Variants in KCTD1 observed in about 807,000 individuals in gnomAD.
KCTD1 encodes the protein potassium channel tetramerization domain containing 1.
A neutral mutation model predicts 66.0 loss-of-function variants in KCTD1; 24 were observed. That is an observed-to-expected ratio of 0.36 (90% CI 0.26 to 0.51). The LOEUF is 0.51. KCTD1 is among the 20% of genes least tolerant of loss of function. KCTD1 has a pLI of 0.95. For missense variants in KCTD1, 943 were observed against 1,205.2 expected (o/e 0.78, Z 3.22); for synonymous variants, 511 against 517.2 (o/e 0.99, Z 0.16).
At chr18:26,541,089 T>C (rs553396890) in intron 1 of KCTD1, among the ~76,000 whole-genome samples, 52 of 152,276 alleles carry the variant, frequency 3.4e-4, no homozygotes, top group African/African-American at 1.1e-3. Context: ...CTCAGCCCTC[T>C]CCTTCCAGGT....
Position 26,547,254 on chromosome 18 carries a change from T to G in KCTD1, c.1283A>C (p.Lys428Thr). Residue 428 changes from lysine to threonine, a missense_variant, in exon 1 of 5, where the codon AAG (lysine) becomes ACG (threonine). Around this residue, in one of 10 missense-constraint regions of KCTD1, gnomAD observed 79 missense variants for 133.9 expected, o/e 0.59. Coordinates refer to ENST00000580059, the MANE Select transcript of KCTD1 (RefSeq NM_001142730.3). ...VTWYENKAIG[K>T]NLLGTRMQML... Reference sequence around the variant, plus strand: ...CTGCATCCGAGTGCCTAGCAAGTTCTTGCCGATGGCTTTGTTCTCGTACCA... The same window carrying G: ...CTGCATCCGAGTGCCTAGCAAGTTCGTGCCGATGGCTTTGTTCTCGTACCA... 1 of 1,551,694 alleles carries G rather than the reference T, an allele frequency of 6.4e-7. No homozygotes were observed. Among genetic ancestry groups the G allele is most frequent in the Non-Finnish European group, 8.7e-7 (1 of 1,146,994 alleles).
chr18:26,652,022 A>G (rs912535807), intron 1 of KCTD1, among the ~76,000 whole-genome samples: 4 of 152,052 alleles, frequency 2.6e-5, no homozygotes, highest in African/African-American at 9.7e-5. Context: ...TGTTCCCTAA[A>G]TCTTAGCCAT....
At chr18:26,651,703 G>C (rs1025654603) in intron 1 of KCTD1, among the ~76,000 whole-genome samples, 2 of 150,230 alleles carry the variant, frequency 1.3e-5, no homozygotes, top group African/African-American at 4.9e-5. Context: ...AGAATCGCTT[G>C]AGCCTAGGAG....
chr18:26,549,223 G>A, upstream of KCTD1: 1 of 986,372 alleles, frequency 1.0e-6, no homozygotes, highest in Non-Finnish European at 1.2e-6. Context: ...GGCTGGCGGC[G>A]GCGGCGGCTC....
chr18:26,599,660 A>G, intron 1 of KCTD1: 1 of 1,475,662 alleles, frequency 6.8e-7, no homozygotes, highest in Non-Finnish European at 9.5e-7. Flanking sequence ...AATCACCCAG[A>G]TCCTTCGGCC....
At chr18:26,551,777 C>A (rs1004001177), upstream of KCTD1, among the ~76,000 whole-genome samples, 1 of 152,158 alleles carries the variant, frequency 6.6e-6, no homozygotes, top group Non-Finnish European at 1.5e-5. Flanking sequence ...ACACTCAATT[C>A]CAAAATGAAA....
intron 1 of KCTD1, among the ~76,000 whole-genome samples, chr18:26,582,544 A>T (rs1249368244): frequency 6.6e-6 from 1 of 152,236 alleles, no homozygotes; most frequent in East Asian, 1.9e-4. Context: ...TTCTAATTTC[A>T]GAAAGTTATC....
At chr18:26,648,981 A>T (rs72889246) in intron 1 of KCTD1, among the ~76,000 whole-genome samples, 12,680 of 152,246 alleles carry the variant, frequency 0.083, 951 homozygotes, top group African/African-American at 0.2. Flanking sequence ...CATATTCAGT[A>T]CTTACAACAA....
chr18:26,548,459 C>T lies in KCTD1; in HGVS notation c.78G>A (p.Glu26=), dbSNP rs1279127371. 7.8e-6 allele frequency: 10 copies of T among 1,274,900 alleles called. No homozygotes were observed. The highest frequency in any genetic ancestry group is 8.8e-6 in the Non-Finnish European group (9 of 1,018,728). 79.0% of individuals were successfully genotyped at this position (1,274,900 alleles called of 1,614,324 possible). Residue 26 remains glutamate, a synonymous_variant, in exon 1 of 5, where the codon GAG becomes GAA. Coordinates refer to ENST00000580059, the MANE Select transcript of KCTD1 (RefSeq NM_001142730.3). ...GSASAAAAAA[E]NNGERGEGER... ...CGCCCTCGCCCCGCTCCCCATTGTT[C>T]TCGGCGGCGGCGGCGGCAGCGCTGG...
At chr18:26,466,222 G>C (rs1980726100) in intron 3 of KCTD1, among the ~76,000 whole-genome samples, 1 of 152,232 alleles carries the variant, frequency 6.6e-6, no homozygotes, top group African/African-American at 2.4e-5. Flanking sequence ...ATGGAGCCAA[G>C]CTGAGCCAAT....
At chr18:26,640,947 C>T (rs76265024), upstream of KCTD1, among the ~76,000 whole-genome samples, 167 of 152,146 alleles carry the variant, frequency 1.1e-3, 1 homozygote, top group African/African-American at 3.4e-3. Flanking sequence ...GATCTAGATC[C>T]GAGAGAGTAG....
At chr18:26,533,442 GTAATACATTGCCAGAAAGTT>G (rs1214591790) in intron 1 of KCTD1, among the ~76,000 whole-genome samples, 9 of 152,154 alleles carry the variant, frequency 5.9e-5, no homozygotes, top group African/African-American at 2.2e-4. Flanking sequence ...ACTGTTCTAT[GTAATACATTGCCAGAAAGTT>G]TCATATTCTT....
intron 1 of KCTD1, chr18:26,657,256 G>C: frequency 1.2e-6 from 1 of 864,446 alleles, no homozygotes; most frequent in Non-Finnish European, 1.4e-6. Context: ...AGTGTGCCGC[G>C]CTCTCGCCCC....
intron 1 of KCTD1, among the ~76,000 whole-genome samples, chr18:26,511,501 G>GT (rs1983328544): frequency 6.6e-6 from 1 of 152,204 alleles, no homozygotes; most frequent in African/African-American, 2.4e-5. Flanking sequence ...ACACGCTGTT[G>GT]TGGGGGGAAG....
intron 1 of KCTD1, among the ~76,000 whole-genome samples, chr18:26,570,203 T>TATATATAC: frequency 7.0e-6 from 1 of 143,764 alleles, no homozygotes; most frequent in East Asian, 2.0e-4. Context: ...TATATATATA[T>TATATATAC]ATATATATAT....
At chr18:26,514,938 CT>C (rs1401575397) in intron 1 of KCTD1, among the ~76,000 whole-genome samples, 1 of 152,150 alleles carries the variant, frequency 6.6e-6, no homozygotes, top group African/African-American at 2.4e-5. Flanking sequence ...TCAGTGAAAG[CT>C]TAGATTAAGA....
At chr18:26,474,084 C>T (rs1248125699) in intron 3 of KCTD1, among the ~76,000 whole-genome samples, 1 of 152,118 alleles carries the variant, frequency 6.6e-6, no homozygotes, top group Non-Finnish European at 1.5e-5. Flanking sequence ...TGCATACATA[C>T]CTGATCTTTT....
intron 3 of KCTD1, among the ~76,000 whole-genome samples, chr18:26,466,953 T>C (rs1240089507): frequency 2.0e-5 from 3 of 152,174 alleles, no homozygotes; most frequent in Non-Finnish European, 4.4e-5. Flanking sequence ...CAGCAAGTTG[T>C]AAAGGGCATT....
At position 26,620,369 on chromosome 18, in the gene KCTD1, A is replaced by C. The variant is rs78827951; in HGVS notation, c.-16+8778T>G. 7.7e-4 allele frequency among the ~76,000 whole-genome samples: 98 copies of C among 127,832 alleles called. 5 individuals carry two copies. The highest frequency in any genetic ancestry group is 7.5e-3 in the South Asian group (28 of 3,742). 83.9% of individuals were successfully genotyped at this position (127,832 alleles called of 152,430 possible). A position where few individuals can be genotyped will look rare whatever the true frequency, so the allele number is the denominator to read the frequency against. On this transcript the variant is annotated intron_variant, in intron 1 of 4. Transcript: ENST00000317932. ...ATCTTAAAAAAAAAAAAAAAAAAAA[A>C]AAAAAAAAAAAAAAAACTATAACAA...
Sources: allele counts gnomAD v4.1 joint callset (sites outside exome capture counted in the v4.1 genomes callset), GRCh38; gene constraint gnomAD v4.1.1; regional missense constraint gnomAD v4.1.1; transcripts MANE v1.5; gene names NCBI Gene and HGNC (gene_info 2026-07-23, HGNC 2026-07-21).